MCF2L: variants seen among roughly 807,000 people sequenced by gnomAD.
MCF2L encodes the protein MCF.2 cell line derived transforming sequence like.
In MCF2L, 97 loss-of-function variants were observed where a neutral mutation model predicts 153.4. The ratio of observed to expected loss-of-function variants is 0.63; its 90% CI spans 0.54 to 0.75. MCF2L has a LOEUF of 0.75. Among genes scored for constraint, MCF2L ranks in the 30% least tolerant of loss-of-function variants. The pLI, the probability that MCF2L is intolerant of heterozygous loss-of-function variation, is 0.00. For synonymous variants in MCF2L, 659 were observed against 632.2 expected (o/e 1.04, Z -0.64); for missense variants, 1,347 against 1,495.2 (o/e 0.90, Z 1.64).
chr13:112,906,823 C>A (rs2081177756), intron 2 of MCF2L, among the ~76,000 whole-genome samples: 1 of 152,200 alleles, frequency 6.6e-6, no homozygotes, highest in Non-Finnish European at 1.5e-5. Flanking sequence ...GCTTGTGGGG[C>A]CTCCTGTTAG....
In MCF2L at chr13:113,064,634, AG is replaced by A; in HGVS notation, c.606+215del. 3 of 564,914 alleles carry A rather than the reference AG, an allele frequency of 5.3e-6. No individual in the cohort carries two copies. Among genetic ancestry groups the A allele is most frequent in the African/African-American group, 3.8e-5 (2 of 52,332 alleles). The allele number at this position is 564,914 out of a possible 1,614,324, so 35.0% of individuals were successfully genotyped here. A position where few individuals can be genotyped will look rare whatever the true frequency, so the allele number is the denominator to read the frequency against. Reference sequence around the variant, plus strand: ...TGGGAGTGGCTTTCTCTGGGCTTGGAGACCAAAAAAAAAAAAAAAACCCTTG... The same window carrying A: ...TGGGAGTGGCTTTCTCTGGGCTTGGAACCAAAAAAAAAAAAAAAACCCTTG... On this transcript the variant is annotated intron_variant, in intron 6 of 29. Transcript: ENST00000535094. The surrounding 1 kb of genome is among the most constrained non-coding windows in gnomAD (Gnocchi z 6.0).
At chr13:113,033,370 C>T (rs2085902423) in intron 3 of MCF2L, among the ~76,000 whole-genome samples, 1 of 127,120 alleles carries the variant, frequency 7.9e-6, no homozygotes, top group African/African-American at 3.1e-5. Context: ...CGTGAGTGGC[C>T]CCCGTGACGT....
rs1324626147 is a variant in MCF2L, at chr13:113,094,573, G to A, written c.3013G>A (p.Ala1005Thr). The part of the protein sequence containing the change: ...APEDDGGWSS[A>T]EEQINSSDAE... ...TGAGGACGACGGGGGCTGGTCAAGT[G>A]CAGAGGAGCAGATTAACTCGTCCGA... Residue 1005 changes from alanine to threonine, a missense_variant, in exon 27 of 30, where the codon GCA (alanine) becomes ACA (threonine). Around this residue, in one of 3 missense-constraint regions of MCF2L, gnomAD observed 383 missense variants for 335.4 expected, o/e 1.14. Coordinates refer to ENST00000535094, the MANE Select transcript of MCF2L (RefSeq NM_001112732.3). 1.2e-6 allele frequency: 2 copies of A among 1,612,652 alleles called. No individual in the cohort carries two copies. The highest frequency in any genetic ancestry group is 4.5e-5 in the East Asian group (2 of 44,882).
chr13:112,897,121 C>G (rs961659759), intron 1 of MCF2L, among the ~76,000 whole-genome samples: 17 of 152,164 alleles, frequency 1.1e-4, no homozygotes, highest in African/African-American at 3.6e-4. Flanking sequence ...CAAGTCTTGT[C>G]CAGGGGCCTT....
In MCF2L at chr13:112,951,659, A is replaced by C. The variant is rs2081695396; in HGVS notation, c.169+49288A>C. Among the ~76,000 whole-genome samples, 1 of 152,196 alleles carries C rather than the reference A, an allele frequency of 6.6e-6. No individual in the cohort carries two copies. Among genetic ancestry groups the C allele is most frequent in the Non-Finnish European group, 1.5e-5 (1 of 68,024 alleles). ...ATAGTTCAGTGGTTGTGGGGGGTCC[A>C]CGAGGGGTGATCTGGGAGGAACATG... is the stretch of plus-strand genomic sequence containing the variant. On this transcript the variant is annotated intron_variant, in intron 2 of 29. Coordinates refer to the MCF2L transcript ENST00000375608. This position sits in a 1 kb window ranked among gnomAD's most constrained non-coding sequence, Gnocchi z 4.8.
rs374855101 is a variant in MCF2L, at chr13:113,075,133, G to T, written c.1252G>T (p.Ala418Ser). ...HLCDQFSAEI[A>S]RRRGLLSKSL... is the part of the protein sequence containing the mutation. Reference sequence around the variant, plus strand: ...CTGTGACCAGTTCTCTGCGGAGATCGCAAGGAGGAGGGGGCTGCTCAGCAA... The same window carrying T: ...CTGTGACCAGTTCTCTGCGGAGATCTCAAGGAGGAGGGGGCTGCTCAGCAA... The change falls in exon 11 of 30, where the codon GCA becomes TCA. Residue 418 changes from alanine (A) to serine (S), a missense_variant. Physicochemically the swap from Ala to Ser is moderately conservative, Grantham distance 99. This residue lies in a region of MCF2L where 820 missense variants were observed against 921.2 expected (regional missense o/e 0.89). Transcript: ENST00000535094. 2.5e-6 allele frequency: 4 copies of T among 1,612,776 alleles called. No homozygotes were observed. The highest frequency in any genetic ancestry group is 1.1e-5 in the South Asian group (1 of 91,078).
chr13:113,086,358 G>A, intron 21 of MCF2L, 109 bp downstream of exon 21: 1 of 1,495,446 alleles, frequency 6.7e-7, no homozygotes, highest in Non-Finnish European at 9.0e-7. Context: ...GAATGTGCAG[G>A]TTCTGGGCAG....
rs2087569910 is a variant in MCF2L at position 113,054,199 on chromosome 13, C to T, written c.370-6394C>T. The T allele has an allele frequency of 1.2e-5, 2 of 167,480 alleles. No homozygotes were observed. Among genetic ancestry groups the T allele is most frequent in the African/African-American group, 2.4e-5 (1 of 41,450 alleles). The allele number at this position is 167,480 out of a possible 1,614,324, so 10.4% of individuals were successfully genotyped here. A position where few individuals can be genotyped will look rare whatever the true frequency, so the allele number is the denominator to read the frequency against. ...TCAGGATCCTGGATGCACGCCTGTT[C>T]TCCAGGTCTGCTTCCCGTGAAATTC... On this transcript the variant is annotated intron_variant, in intron 4 of 29. Transcript: ENST00000535094. The surrounding 1 kb of genome is among the most constrained non-coding windows in gnomAD (Gnocchi z 5.2).
intron 3 of MCF2L, chr13:113,024,993 T>A (rs1217373426): frequency 2.8e-6 from 1 of 362,662 alleles, no homozygotes. Flanking sequence ...CATGGTGGGG[T>A]CCCCGTGACT....
At chr13:113,075,263 G>T (rs1411302566) in intron 11 of MCF2L, 74 bp downstream of exon 11, 3 of 1,391,236 alleles carry the variant, frequency 2.2e-6, no homozygotes, top group Non-Finnish European at 2.9e-6. Flanking sequence ...TCCACCACCG[G>T]CTGACCCTTG....
intron 4 of MCF2L, 126 bp from the exon 5 acceptor site, chr13:113,060,467 G>T: frequency 9.4e-7 from 1 of 1,061,438 alleles, no homozygotes; most frequent in Non-Finnish European, 1.4e-6. Flanking sequence ...GCATAAACCT[G>T]CTGCGTTGAG....
chr13:113,023,817 T>G (rs931561146), intron 2 of MCF2L, among the ~76,000 whole-genome samples: 1 of 152,140 alleles, frequency 6.6e-6, no homozygotes, highest in African/African-American at 2.4e-5. Context: ...GTCCCGCACC[T>G]CCACCTCCCT....
chr13:113,018,385 T>C (rs758746875), intron 2 of MCF2L, among the ~76,000 whole-genome samples: 2 of 152,198 alleles, frequency 1.3e-5, no homozygotes, highest in Non-Finnish European at 2.9e-5. Context: ...TCCCCTCTAG[T>C]TTTCTGACAT....
chr13:113,091,761 G>A (rs1290833445), intron 26 of MCF2L, among the ~76,000 whole-genome samples: 1 of 152,244 alleles, frequency 6.6e-6, no homozygotes. Context: ...TTCTCAGGGT[G>A]AAAACTGCCC....
Position 113,078,692 on chromosome 13 carries a change from C to G in MCF2L, c.1761C>G (p.Gly587=), listed in dbSNP as rs1354253398. ...GTGAGATGAGTGAGAGCCGGCAGGG[C>G]CGCGGCTCAGCGGGGGAGGAGGAGG... ...AKSEMSESRQ[G]RGSAGEEEES... is the part of the protein sequence containing the mutation. Residue 587 remains glycine, a synonymous_variant, in exon 15 of 30, where the codon GGC becomes GGG. Transcript: ENST00000535094. The G allele has an allele frequency of 1.9e-6, 3 of 1,611,438 alleles. No individual in the cohort carries two copies. In the African/African-American group the frequency reaches 4.0e-5, roughly 22 times the overall value.
intron 2 of MCF2L, among the ~76,000 whole-genome samples, chr13:112,925,364 G>A (rs1265287508): frequency 6.6e-6 from 1 of 152,140 alleles, no homozygotes; most frequent in Non-Finnish European, 1.5e-5. Context: ...CCTGCCCTCC[G>A]ATTCCACCCT....
chr13:112,919,205 A>ATTTTTTT (rs11431408), intron 2 of MCF2L, among the ~76,000 whole-genome samples: 4 of 125,666 alleles, frequency 3.2e-5, no homozygotes, highest in African/African-American at 3.1e-5. Context: ...AAGAATTTGC[A>ATTTTTTT]TTTTTTTTTT....
At chr13:113,077,816 C>T (rs2033661278) in intron 13 of MCF2L, among the ~76,000 whole-genome samples, 1 of 152,246 alleles carries the variant, frequency 6.6e-6, no homozygotes, top group Non-Finnish European at 1.5e-5. Flanking sequence ...TGGTTTCTCA[C>T]ACACGAACCC....
At chr13:113,073,141 A>G (rs540517648) in intron 9 of MCF2L, among the ~76,000 whole-genome samples, 13 of 147,382 alleles carry the variant, frequency 8.8e-5, no homozygotes, top group Non-Finnish European at 1.9e-4. Context: ...TTGTCTTTCC[A>G]TTCTTGATTT....
Sources: allele counts gnomAD v4.1 joint callset (sites outside exome capture counted in the v4.1 genomes callset), GRCh38; gene constraint gnomAD v4.1.1; regional missense constraint gnomAD v4.1.1; non-coding constraint Gnocchi (gnomAD v3.1); transcripts MANE v1.5; gene names NCBI Gene and HGNC (gene_info 2026-07-23, HGNC 2026-07-21).